The following EYA2 variants were observed in gnomAD, a reference collection of about 807,000 sequenced individuals.
The protein encoded by EYA2 is EYA transcriptional coactivator and phosphatase 2.
In EYA2, 31 loss-of-function variants were observed where a neutral mutation model predicts 69.2. The observed-to-expected ratio is 0.45, with a 90% CI of 0.34 to 0.60. EYA2 has a LOEUF of 0.60. Among genes scored for constraint, EYA2 ranks in the 20% least tolerant of loss-of-function variants. The probability of loss-of-function intolerance (pLI) is 0.02; values close to 1 mark genes in which losing one functional copy is unlikely to be tolerated. For synonymous variants in EYA2, 257 were observed against 279.4 expected, an observed-to-expected ratio of 0.92 and a Z score of 0.80; for missense variants, 622 against 701.2, an observed-to-expected ratio of 0.89 and a Z score of 1.28.
intron 5 of EYA2, among the ~76,000 whole-genome samples, chr20:47,037,418 CATT>C (rs1462934115): frequency 6.6e-6 from 1 of 152,212 alleles, no homozygotes; most frequent in Non-Finnish European, 1.5e-5. Context: ...TGTTCATTGG[CATT>C]ATTACGTGTT....
At chr20:46,985,531 T>C (rs62201257) in intron 1 of EYA2, among the ~76,000 whole-genome samples, 2,921 of 152,304 alleles carry the variant, frequency 0.019, 51 homozygotes, top group Non-Finnish European at 0.027. Flanking sequence ...AGGCCAGAAG[T>C]GTCACACTGC....
chr20:46,997,350 C>T (rs1483012307), intron 2 of EYA2, among the ~76,000 whole-genome samples: 1 of 152,228 alleles, frequency 6.6e-6, no homozygotes. Flanking sequence ...GGGGATTACA[C>T]TCACTGTTGT....
At chr20:47,051,799 A>G (rs1169594118) in intron 5 of EYA2, among the ~76,000 whole-genome samples, 2 of 152,218 alleles carry the variant, frequency 1.3e-5, no homozygotes, top group African/African-American at 2.4e-5. Context: ...GTAGGTGCTC[A>G]GGAAACATCA....
chr20:46,895,275 G>A (rs6124882), intron 1 of EYA2, among the ~76,000 whole-genome samples: 12,670 of 152,242 alleles, frequency 0.083, 1,070 homozygotes, highest in East Asian at 0.43. Flanking sequence ...TCTCCCGCGC[G>A]CGGGACAAGT....
At chr20:47,014,236 G>A (rs1311055066) in intron 4 of EYA2, among the ~76,000 whole-genome samples, 1 of 152,062 alleles carries the variant, frequency 6.6e-6, no homozygotes, top group East Asian at 1.9e-4. Context: ...AACCATCTAG[G>A]ACTCCAGCCC....
intron 5 of EYA2, among the ~76,000 whole-genome samples, chr20:47,065,288 C>T (rs1335274869): frequency 6.6e-6 from 1 of 152,212 alleles, no homozygotes; most frequent in Non-Finnish European, 1.5e-5. Context: ...TTCTCATTCT[C>T]ACTGTCATGA....
intron 5 of EYA2, among the ~76,000 whole-genome samples, chr20:47,061,707 C>T (rs1403366959): frequency 6.6e-6 from 1 of 152,190 alleles, no homozygotes; most frequent in Admixed American, 6.5e-5. Flanking sequence ...TTAGATACGG[C>T]CACAGCATCC....
chr20:47,153,342 GT>G (rs1348677140), intron 10 of EYA2, among the ~76,000 whole-genome samples: 2 of 151,908 alleles, frequency 1.3e-5, no homozygotes, highest in Non-Finnish European at 2.9e-5. Context: ...GAGCATCAGT[GT>G]AAAGATAAAT....
At chr20:47,047,135 C>A (rs906860999) in intron 5 of EYA2, among the ~76,000 whole-genome samples, 9 of 152,090 alleles carry the variant, frequency 5.9e-5, no homozygotes, top group Non-Finnish European at 1.2e-4. Flanking sequence ...TATCCACTTA[C>A]GCTGTAGGAT....
At chr20:47,108,374 T>A (rs2032651427) in intron 9 of EYA2, among the ~76,000 whole-genome samples, 1 of 152,120 alleles carries the variant, frequency 6.6e-6, no homozygotes, top group South Asian at 2.1e-4. Flanking sequence ...CTGGCTCCCC[T>A]TTGCTTTCCA....
At chr20:47,151,730 G>A (rs1380874346) in intron 10 of EYA2, among the ~76,000 whole-genome samples, 1 of 151,980 alleles carries the variant, frequency 6.6e-6, no homozygotes. Flanking sequence ...TACTTATGCG[G>A]TACATTTTGT....
intron 4 of EYA2, among the ~76,000 whole-genome samples, chr20:47,007,260 C>A (rs573917967): frequency 2.2e-4 from 34 of 152,318 alleles, no homozygotes; most frequent in African/African-American, 7.9e-4. Flanking sequence ...TGTGTAATTT[C>A]AAATTAGGAT....
intron 5 of EYA2, among the ~76,000 whole-genome samples, chr20:47,052,760 G>T (rs538474369): frequency 6.6e-6 from 1 of 152,096 alleles, no homozygotes; most frequent in African/African-American, 2.4e-5. Flanking sequence ...AGCTGGGACT[G>T]TCACCATACA....
chr20:47,133,657 G>A (rs77159518), intron 9 of EYA2, among the ~76,000 whole-genome samples: 3,361 of 152,238 alleles, frequency 0.022, 115 homozygotes, highest in East Asian at 0.089. Context: ...AAATCTGCAA[G>A]GGGAAGAGGC....
At chr20:47,087,962 C>A (rs2031948743) in intron 7 of EYA2, among the ~76,000 whole-genome samples, 1 of 152,248 alleles carries the variant, frequency 6.6e-6, no homozygotes, top group Admixed American at 6.5e-5. Context: ...CACAGTGGCT[C>A]ACGCCTGTAA....
At chr20:47,054,354 T>G (rs1413826213) in intron 5 of EYA2, among the ~76,000 whole-genome samples, 3 of 152,220 alleles carry the variant, frequency 2.0e-5, no homozygotes, top group African/African-American at 7.2e-5. Flanking sequence ...GTCTCATTCA[T>G]CGCAGTTTCC....
chr20:46,935,752 G>A (rs1325332288), intron 1 of EYA2, among the ~76,000 whole-genome samples: 2 of 151,924 alleles, frequency 1.3e-5, no homozygotes, highest in African/African-American at 4.8e-5. Context: ...CTCAATAAAT[G>A]TCAAATAAAT....
intron 10 of EYA2, among the ~76,000 whole-genome samples, chr20:47,159,802 C>T (rs2034027235): frequency 6.6e-6 from 1 of 151,914 alleles, no homozygotes; most frequent in African/African-American, 2.4e-5. Flanking sequence ...CCAGTCTGGC[C>T]AACATGGTGA....
intron 9 of EYA2, among the ~76,000 whole-genome samples, chr20:47,099,258 G>A (rs551464514): frequency 1.5e-4 from 23 of 152,346 alleles, no homozygotes; most frequent in Admixed American, 3.3e-4. Flanking sequence ...CCAAGAAGCC[G>A]CAGAGGGCAG....
Sources: gnomAD v4.1 joint callset for allele counts (sites outside exome capture counted in the v4.1 genomes callset) on GRCh38, gnomAD v4.1.1 for gene constraint, MANE v1.5 for transcripts, NCBI Gene and HGNC (gene_info 2026-07-23, HGNC 2026-07-21) for gene names.